SLC35F1: variants seen among roughly 807,000 people sequenced by gnomAD.
SLC35F1 encodes the protein solute carrier family 35 member F1, also known as chromosome 6 open reading frame 169.
Under a neutral mutation model 48.7 loss-of-function variants are expected in SLC35F1, and 14 were observed. The observed-to-expected ratio is 0.29, with a 90% CI of 0.19 to 0.45. The LOEUF (loss-of-function observed/expected upper bound fraction) is 0.45. Among genes scored for constraint, SLC35F1 ranks in the 20% least tolerant of loss-of-function variants. SLC35F1 has a pLI of 1.00. For missense variants in SLC35F1, 404 were observed against 500.0 expected, an observed-to-expected ratio of 0.81 and a Z score of 1.83; for synonymous variants, 190 against 202.2, an observed-to-expected ratio of 0.94 and a Z score of 0.51.
intron 2 of SLC35F1, among the ~76,000 whole-genome samples, chr6:118,208,678 G>T (rs1048854933): frequency 3.3e-5 from 5 of 152,084 alleles, no homozygotes; most frequent in African/African-American, 9.7e-5. Flanking sequence ...AATACCCATT[G>T]TTCTACCATC....
Position 117,933,067 on chromosome 6 carries a change from T to TTCTC in SLC35F1, c.173+25171_173+25172insCTCT, listed in dbSNP as rs1562241904. ...TAGAAGCATAAATCTGCACAAAGAC[T>TTCTC]TCTGATGCTCATGAAATAAATATGA... On this transcript the variant is annotated intron_variant, in intron 1 of 7. Coordinates refer to ENST00000360388, the MANE Select transcript of SLC35F1 (RefSeq NM_001029858.4). 2.6e-5 allele frequency among the ~76,000 whole-genome samples: 4 copies of TTCTC among 152,242 alleles called. No individual in the cohort carries two copies. In the South Asian group the frequency reaches 8.3e-4, roughly 32 times the overall value.
At chr6:117,958,698 C>A (rs1412270649) in intron 1 of SLC35F1, among the ~76,000 whole-genome samples, 1 of 152,264 alleles carries the variant, frequency 6.6e-6, no homozygotes. Flanking sequence ...TATGCCATCT[C>A]GGTTTATGTA....
chr6:118,231,511 C>A (rs1407221801), intron 2 of SLC35F1, among the ~76,000 whole-genome samples: 1 of 152,144 alleles, frequency 6.6e-6, no homozygotes, highest in East Asian at 1.9e-4. Flanking sequence ...CCCAAGCTGG[C>A]TTTTCAACGG....
At chr6:118,285,151 C>T (rs376857445) in intron 6 of SLC35F1, 33 bp from the exon 7 acceptor site, 63 of 1,606,596 alleles carry the variant, frequency 3.9e-5, no homozygotes, top group Admixed American at 1.0e-4. Context: ...TGGAGGAGGC[C>T]CTGACGCTGC....
intron 1 of SLC35F1, among the ~76,000 whole-genome samples, chr6:117,923,514 CATGTGTAT>C (rs1437514292): frequency 1.4e-5 from 2 of 143,792 alleles, no homozygotes; most frequent in Non-Finnish European, 3.0e-5. Context: ...TATACACATA[CATGTGTAT>C]ATACACATAT....
At chr6:118,178,886 T>A (rs1409198713) in intron 2 of SLC35F1, among the ~76,000 whole-genome samples, 7 of 152,142 alleles carry the variant, frequency 4.6e-5, no homozygotes, top group African/African-American at 1.7e-4. Context: ...TTTTGAACAT[T>A]CTTCTTTAGA....
intron 2 of SLC35F1, among the ~76,000 whole-genome samples, chr6:118,199,189 A>G (rs1255037587): frequency 6.6e-6 from 1 of 152,202 alleles, no homozygotes; most frequent in Non-Finnish European, 1.5e-5. Flanking sequence ...GCTATTCAAG[A>G]CAGTTCTTTC....
intron 1 of SLC35F1, among the ~76,000 whole-genome samples, chr6:117,927,028 G>A (rs1187976309): frequency 6.6e-6 from 1 of 152,114 alleles, no homozygotes; most frequent in Admixed American, 6.5e-5. Flanking sequence ...TTCATTTGGT[G>A]TACCAACCTC....
chr6:118,112,241 G>C (rs552938192), intron 1 of SLC35F1, among the ~76,000 whole-genome samples: 1 of 151,986 alleles, frequency 6.6e-6, no homozygotes, highest in African/African-American at 2.4e-5. Context: ...CAATCCTCCT[G>C]CCTCTGCCTC....
intron 2 of SLC35F1, among the ~76,000 whole-genome samples, chr6:118,215,170 T>A (rs925873139): frequency 6.6e-6 from 1 of 152,086 alleles, no homozygotes; most frequent in Non-Finnish European, 1.5e-5. Context: ...AAAAAATCTG[T>A]CAACTACAGT....
chr6:117,914,581 G>A (rs950411267), intron 1 of SLC35F1, among the ~76,000 whole-genome samples: 2 of 152,188 alleles, frequency 1.3e-5, no homozygotes, highest in South Asian at 2.1e-4. Context: ...GTTGGGCACT[G>A]CTGGATCACA....
chr6:117,923,120 G>T (rs1169377784), intron 1 of SLC35F1, among the ~76,000 whole-genome samples: 1 of 152,084 alleles, frequency 6.6e-6, no homozygotes, highest in Non-Finnish European at 1.5e-5. Flanking sequence ...GAAATACATG[G>T]TTTCTAAATC....
chr6:117,982,064 A>G (rs1776788117), intron 1 of SLC35F1, among the ~76,000 whole-genome samples: 1 of 152,190 alleles, frequency 6.6e-6, no homozygotes, highest in Non-Finnish European at 1.5e-5. Flanking sequence ...CGAGATTCAT[A>G]TTTAATCTGT....
At chr6:117,927,719 A>G (rs546870258) in intron 1 of SLC35F1, among the ~76,000 whole-genome samples, 2 of 152,290 alleles carry the variant, frequency 1.3e-5, no homozygotes, top group South Asian at 2.1e-4. Flanking sequence ...TATTTGTTGA[A>G]TGAATGAATG....
intron 1 of SLC35F1, among the ~76,000 whole-genome samples, chr6:118,110,340 C>G (rs1231074364): frequency 6.6e-6 from 1 of 152,138 alleles, no homozygotes; most frequent in African/African-American, 2.4e-5. Context: ...CAGAGGCCCA[C>G]AGCTAAAACC....
At chr6:118,303,664 G>A (rs1387394744) in intron 7 of SLC35F1, among the ~76,000 whole-genome samples, 1 of 152,220 alleles carries the variant, frequency 6.6e-6, no homozygotes, top group Admixed American at 6.5e-5. Flanking sequence ...TACTTCGGAA[G>A]CAGTAGACTA....
chr6:118,132,172 A>G (rs891867941), intron 1 of SLC35F1, among the ~76,000 whole-genome samples: 2 of 152,134 alleles, frequency 1.3e-5, no homozygotes, highest in African/African-American at 2.4e-5. Flanking sequence ...TCCCTAGCCT[A>G]CCCCATCTCA....
At chr6:118,165,861 A>G (rs544890920) in intron 2 of SLC35F1, among the ~76,000 whole-genome samples, 93 of 152,326 alleles carry the variant, frequency 6.1e-4, no homozygotes, top group Middle Eastern at 3.4e-3. Flanking sequence ...AAATATTCAG[A>G]TGCATTACCA....
At chr6:118,141,244 A>T (rs991853738) in intron 1 of SLC35F1, among the ~76,000 whole-genome samples, 1 of 152,144 alleles carries the variant, frequency 6.6e-6, no homozygotes, top group Non-Finnish European at 1.5e-5. Flanking sequence ...TACCTTTTCT[A>T]TATTTAGATA....
Sources: gnomAD v4.1 joint callset for allele counts (sites outside exome capture counted in the v4.1 genomes callset) on GRCh38, gnomAD v4.1.1 for gene constraint, MANE v1.5 for transcripts, NCBI Gene and HGNC (gene_info 2026-07-23, HGNC 2026-07-21) for gene names.